The following PREX2 variants were observed in gnomAD, a reference collection of about 807,000 sequenced individuals.
PREX2 encodes phosphatidylinositol 3,4,5-trisphosphate-dependent Rac exchanger 2 protein.
A neutral mutation model predicts 203.2 loss-of-function variants in PREX2; 107 were observed. The ratio of observed to expected loss-of-function variants is 0.53; its 90% CI spans 0.45 to 0.62. The LOEUF is 0.62. PREX2 is among the 20% of genes least tolerant of loss of function. The pLI is 0.00. For missense variants in PREX2, 1,777 were observed against 1,955.9 expected, an observed-to-expected ratio of 0.91 and a Z score of 1.72; for synonymous variants, 672 against 663.6, an observed-to-expected ratio of 1.01 and a Z score of -0.19.
At chr8:68,039,140 G>A (rs915408673) in intron 7 of PREX2, among the ~76,000 whole-genome samples, 7 of 152,050 alleles carry the variant, frequency 4.6e-5, no homozygotes, top group Non-Finnish European at 8.8e-5. Context: ...ACCCTTCATA[G>A]CAGACTTTCT....
chr8:68,212,368 A>G (rs1038239886), intron 37 of PREX2, among the ~76,000 whole-genome samples: 1 of 152,162 alleles, frequency 6.6e-6, no homozygotes, highest in African/African-American at 2.4e-5. Context: ...CCTCTCACTA[A>G]AATTTGATCA....
Position 68,217,668 on chromosome 8 carries a change from G to A in PREX2, c.4657G>A (p.Gly1553Arg), listed in dbSNP as rs752113779. Reference protein sequence around the residue: ...EQAIILARSHGLPPRYIMQAT... With the variant: ...EQAIILARSHRLPPRYIMQAT... ...AGCCATCATTCTGGCCAGAAGCCAC[G>A]GACTGCCACCTCGTTACATCATGCA... The change falls in exon 38 of 40, where the codon GGA (glycine) becomes AGA (arginine). Residue 1553 changes from glycine to arginine, a missense_variant. By Grantham distance (125) the Gly-to-Arg change is moderately radical (BLOSUM62 -2). Transcript: ENST00000288368. The A allele has an allele frequency of 5.6e-6, 9 of 1,614,000 alleles. No homozygotes were observed. In the East Asian group the frequency reaches 8.9e-5, roughly 16 times the overall value.
At chr8:68,045,377 C>T (rs982916973) in intron 8 of PREX2, among the ~76,000 whole-genome samples, 5 of 152,112 alleles carry the variant, frequency 3.3e-5, no homozygotes, top group Non-Finnish European at 4.4e-5. Flanking sequence ...TAGTGATATT[C>T]GTTATACATG....
intron 39 of PREX2, among the ~76,000 whole-genome samples, chr8:68,230,673 C>T (rs1229080558): frequency 6.6e-6 from 1 of 152,122 alleles, no homozygotes; most frequent in East Asian, 1.9e-4. Context: ...ACAACTAGAC[C>T]TGGGCTGCAA....
intron 32 of PREX2, among the ~76,000 whole-genome samples, chr8:68,137,851 CT>C (rs1455028783): frequency 6.6e-6 from 1 of 152,096 alleles, no homozygotes; most frequent in African/African-American, 2.4e-5. Context: ...AGATTCTAGA[CT>C]AAGACGCCAT....
intron 1 of PREX2, among the ~76,000 whole-genome samples, chr8:67,974,857 A>G (rs1044314018): frequency 2.0e-5 from 3 of 152,206 alleles, no homozygotes; most frequent in East Asian, 1.9e-4. Flanking sequence ...ATGTAAGGAT[A>G]TAAACAATTG....
chr8:67,979,011 A>T (rs920511363), intron 1 of PREX2, among the ~76,000 whole-genome samples: 3 of 152,232 alleles, frequency 2.0e-5, no homozygotes, highest in Non-Finnish European at 4.4e-5. Context: ...TCAATTAGAC[A>T]TTCTTGTTGA....
chr8:68,084,140 A>G (rs1406736670), intron 18 of PREX2, among the ~76,000 whole-genome samples: 3 of 152,138 alleles, frequency 2.0e-5, no homozygotes, highest in Non-Finnish European at 4.4e-5. Flanking sequence ...TGTGCAAATC[A>G]TTTCCATCAA....
chr8:68,069,250 C>A lies in PREX2; in HGVS notation c.1443+114C>A, dbSNP rs184896646. On this transcript the variant is annotated intron_variant, in intron 12 of 39. Coordinates refer to ENST00000288368, the MANE Select transcript of PREX2 (RefSeq NM_024870.4). The stretch of plus-strand genomic sequence containing the variant: ...TTTTCTAGTTTAGAAAATTCTTCGA[C>A]TATATATACAAGCAAGCCTCTTTAT... 9.8e-6 allele frequency: 6 copies of A among 611,394 alleles called. No individual in the cohort carries two copies. The East Asian group carries it at 2.0e-4, about 20-fold the overall frequency. The allele number at this position is 611,394 out of a possible 1,614,324, so 37.9% of individuals were successfully genotyped here. A position where few individuals can be genotyped will look rare whatever the true frequency, so the allele number is the denominator to read the frequency against.
intron 35 of PREX2, among the ~76,000 whole-genome samples, chr8:68,189,504 A>G (rs1449681123): frequency 2.6e-5 from 4 of 152,324 alleles, no homozygotes; most frequent in South Asian, 4.1e-4. Flanking sequence ...ACTGGGGAAA[A>G]TCTTGAAAAT....
At chr8:67,953,233 A>G (rs1459252420) in intron 1 of PREX2, among the ~76,000 whole-genome samples, 1 of 125,840 alleles carries the variant, frequency 7.9e-6, no homozygotes, top group Non-Finnish European at 1.6e-5. Context: ...TCCCCTGTTT[A>G]CATGGCCCAT....
At chr8:68,044,458 A>G in intron 7 of PREX2, 29 bp from the exon 8 acceptor site, 1 of 1,482,506 alleles carries the variant, frequency 6.7e-7, no homozygotes, top group South Asian at 1.1e-5. Flanking sequence ...TTTAGTAACA[A>G]AGTCTTTGTG....
chr8:68,017,885 G>T lies in PREX2; in HGVS notation c.181G>T (p.Val61Phe). Residue 61 changes from valine (V) to phenylalanine (F), a missense_variant, in exon 2 of 40, where the codon GTT becomes TTT. Physicochemically the swap from Val to Phe is conservative, Grantham distance 50 (BLOSUM62 -1). Coordinates refer to ENST00000288368, the MANE Select transcript of PREX2 (RefSeq NM_024870.4). The stretch of plus-strand genomic sequence containing the variant: ...AATGAACCAGTGTGCAGCATCAAAA[G>T]TTGACAAAAATGTGACAGAAGAAAC... Reference protein sequence around the residue: ...HRMNQCAASKVDKNVTEETVK... With the variant: ...HRMNQCAASKFDKNVTEETVK... 2 of 1,612,936 alleles carry T rather than the reference G, an allele frequency of 1.2e-6. No homozygotes were observed. The highest frequency in any genetic ancestry group is 1.7e-6 in the Non-Finnish European group (2 of 1,179,268).
chr8:68,188,457 C>G (rs554915641), intron 35 of PREX2, among the ~76,000 whole-genome samples: 1 of 152,270 alleles, frequency 6.6e-6, no homozygotes, highest in Admixed American at 6.5e-5. Flanking sequence ...TTTAATAGAT[C>G]GAAACAGGCT....
intron 1 of PREX2, among the ~76,000 whole-genome samples, chr8:68,005,480 A>G (rs1175699058): frequency 6.6e-6 from 1 of 152,136 alleles, no homozygotes; most frequent in Non-Finnish European, 1.5e-5. Flanking sequence ...GCCATCACCC[A>G]GGCCATCCAT....
In PREX2 at chr8:67,969,950, C is replaced by T. The variant is rs556764459; in HGVS notation, c.141+17415C>T. On this transcript the variant is annotated intron_variant, in intron 1 of 39. Transcript: ENST00000288368. ...CCCATCATCTGAGTCTCACTCCGGT[C>T]TGAAAATTTCTATAATTTCTAAAAT... 8.5e-5 allele frequency among the ~76,000 whole-genome samples: 13 copies of T among 152,290 alleles called. No individual in the cohort carries two copies. In the East Asian group the frequency reaches 9.6e-4, roughly 11 times the overall value.
intron 21 of PREX2, among the ~76,000 whole-genome samples, chr8:68,096,683 C>CTGACT (rs1810086309): frequency 6.6e-6 from 1 of 151,902 alleles, no homozygotes; most frequent in African/African-American, 2.4e-5. Flanking sequence ...TTTAGAAATC[C>CTGACT]TGACTTTAAG....
intron 22 of PREX2, among the ~76,000 whole-genome samples, chr8:68,097,835 A>T (rs1392608166): frequency 3.3e-5 from 5 of 152,226 alleles, no homozygotes; most frequent in Admixed American, 3.3e-4. Context: ...TTCATGACAG[A>T]TGCTACTTTT....
chr8:68,125,364 T>C (rs1231556204), intron 30 of PREX2, among the ~76,000 whole-genome samples: 1 of 152,152 alleles, frequency 6.6e-6, no homozygotes, highest in Non-Finnish European at 1.5e-5. Flanking sequence ...CCATTTCTAA[T>C]GTTTTTCCTA....
Sources: allele counts gnomAD v4.1 joint callset (sites outside exome capture counted in the v4.1 genomes callset), GRCh38; gene constraint gnomAD v4.1.1; transcripts MANE v1.5; gene names NCBI Gene and HGNC (gene_info 2026-07-23, HGNC 2026-07-21).